EVA1A: variants seen among roughly 807,000 people sequenced by gnomAD.
The protein encoded by EVA1A is eva-1 homolog A, regulator of programmed cell death, also known as protein eva-1 homolog A.
EVA1A carries 7 observed loss-of-function variants against 9.8 expected under a neutral mutation model. The observed-to-expected ratio is 0.71, with a 90% CI of 0.41 to 1.34. The LOEUF (loss-of-function observed/expected upper bound fraction) is 1.34, where lower values mean the gene tolerates loss of function less well. Ranked by LOEUF, EVA1A falls within the 40% of genes most tolerant of loss-of-function variation. The pLI, the probability that EVA1A is intolerant of heterozygous loss-of-function variation, is 0.01. For synonymous variants in EVA1A, 90 were observed against 85.6 expected (o/e 1.05, Z -0.28); for missense variants, 206 against 205.9 (o/e 1.00, Z 0.00).
chr2:75,493,907 A>G (rs1201979084), intron 3 of EVA1A, among the ~76,000 whole-genome samples: 2 of 152,260 alleles, frequency 1.3e-5, no homozygotes, highest in Non-Finnish European at 2.9e-5. Flanking sequence ...ACTGTACGCA[A>G]GCAGCCGTGC....
rs1366172367 is a variant in EVA1A at position 75,492,617 on chromosome 2, A to ACATC, written c.*615_*618dup. ...TATTGACATTTTCTAGTTCACTGAC[A>ACATC]CATCTCCCATAATACAATAGTTCTA... is the stretch of plus-strand genomic sequence containing the variant. On this transcript the variant is annotated 3_prime_UTR_variant, in exon 4 of 4. Coordinates refer to ENST00000393913, the MANE Select transcript of EVA1A (RefSeq NM_001135032.2). The ACATC allele has an allele frequency of 6.6e-6, 1 of 152,648 alleles. No homozygotes were observed. Among genetic ancestry groups the ACATC allele is most frequent in the Non-Finnish European group, 1.5e-5 (1 of 68,052 alleles). 9.5% of individuals were successfully genotyped at this position (152,648 alleles called of 1,614,324 possible).
intron 1 of EVA1A, among the ~76,000 whole-genome samples, chr2:75,523,862 C>A (rs1214556844): frequency 6.6e-6 from 1 of 152,164 alleles, no homozygotes; most frequent in Non-Finnish European, 1.5e-5. Context: ...CTCTATCTTA[C>A]CTCTCTGATG....
rs368517958 is a variant in EVA1A at position 75,493,527 on chromosome 2, C to A, written c.168G>T (p.Arg56Ser). 6.2e-7 allele frequency: 1 copy of A among 1,614,198 alleles called. No homozygotes were observed. Among genetic ancestry groups the A allele is most frequent in the South Asian group, 1.1e-5 (1 of 91,080 alleles). Residue 56 changes from arginine (R) to serine (S), a missense_variant, in exon 4 of 4, where the codon AGG (arginine) becomes AGT (serine). By Grantham distance (110) the Arg-to-Ser change is moderately radical (BLOSUM62 -1). Coordinates refer to ENST00000393913, the MANE Select transcript of EVA1A (RefSeq NM_001135032.2). ...GCCTGCAGTCTGTGTGGCAAGAGAT[C>A]CTTATCACCAGAGCAGCCAGGGTCA... ...LVLTLAALVI[R>S]ISCHTDCRRR... is the part of the protein sequence containing the mutation.
At chr2:75,539,213 A>C (rs547927683) in intron 1 of EVA1A, among the ~76,000 whole-genome samples, 9 of 152,324 alleles carry the variant, frequency 5.9e-5, no homozygotes, top group African/African-American at 2.2e-4. Flanking sequence ...GAACAGCTGA[A>C]GGGATAGAAA....
In EVA1A at chr2:75,521,711, T is replaced by C. The variant is rs1005673982; in HGVS notation, c.-69+654A>G. ...CAGGGTACAGGGTACAAAGTTTCTG[T>C]TTTGCAAGATGAAAAGAGTTCTGGG... On this transcript the variant is annotated intron_variant, in intron 2 of 3. Transcript: ENST00000393913. 1.4e-4 allele frequency among the ~76,000 whole-genome samples: 22 copies of C among 152,290 alleles called. 1 individual carries two copies. Among genetic ancestry groups the C allele is most frequent in the Admixed American group, 8.5e-4 (13 of 15,298 alleles).
chr2:75,498,470 C>A (rs1483124307), intron 3 of EVA1A, among the ~76,000 whole-genome samples: 2 of 151,322 alleles, frequency 1.3e-5, no homozygotes, highest in African/African-American at 4.9e-5. Context: ...CGGGTACCCC[C>A]AAAACTAAAA....
At chr2:75,563,702 T>C (rs1676967369), upstream of EVA1A, among the ~76,000 whole-genome samples, 1 of 152,256 alleles carries the variant, frequency 6.6e-6, no homozygotes, top group Non-Finnish European at 1.5e-5. Context: ...TTGTTGTTCC[T>C]GTCTACCACC....
chr2:75,538,676 T>C (rs1050641522), intron 1 of EVA1A, among the ~76,000 whole-genome samples: 3 of 152,212 alleles, frequency 2.0e-5, no homozygotes, highest in African/African-American at 7.2e-5. Context: ...AAGAACAAAC[T>C]GTTGATACAC....
At chr2:75,516,380 T>A (rs527545874) in intron 3 of EVA1A, among the ~76,000 whole-genome samples, 87 of 152,350 alleles carry the variant, frequency 5.7e-4, no homozygotes, top group Admixed American at 5.2e-3. Context: ...CATTTCCTTG[T>A]GTTTTCTTTT....
chr2:75,564,265 C>A (rs1174644163), upstream of EVA1A, among the ~76,000 whole-genome samples: 1 of 152,194 alleles, frequency 6.6e-6, no homozygotes, highest in Non-Finnish European at 1.5e-5. Context: ...AGTCCATGTG[C>A]ACAGGCACAG....
intron 1 of EVA1A, among the ~76,000 whole-genome samples, chr2:75,530,808 G>T (rs1675619090): frequency 6.6e-6 from 1 of 152,110 alleles, no homozygotes; most frequent in Non-Finnish European, 1.5e-5. Context: ...ACTGAATGTG[G>T]AAAAGTTGAA....
rs370139135 is a variant in EVA1A, at chr2:75,512,642, G to A, written c.85+5414C>T. On this transcript the variant is annotated intron_variant, in intron 3 of 3. Coordinates refer to ENST00000393913, the MANE Select transcript of EVA1A (RefSeq NM_001135032.2). ...TAAAAGCTCTGGTAAGCCACAGAAGGACCTTCAGAGTGGGATGCCTCAAAC... is the reference window on the plus strand; with the variant it reads ...TAAAAGCTCTGGTAAGCCACAGAAGAACCTTCAGAGTGGGATGCCTCAAAC... 8.3e-4 allele frequency among the ~76,000 whole-genome samples: 126 copies of A among 152,272 alleles called. 1 individual carries two copies. Among genetic ancestry groups the A allele is most frequent in the African/African-American group, 2.9e-3 (121 of 41,554 alleles).
In EVA1A at chr2:75,518,199, T is replaced by A; in HGVS notation, c.-59A>T. 2 of 1,594,654 alleles carry A rather than the reference T, an allele frequency of 1.3e-6. No individual in the cohort carries two copies. The highest frequency in any genetic ancestry group is 1.7e-6 in the Non-Finnish European group (2 of 1,172,452). The stretch of plus-strand genomic sequence containing the variant: ...GGCTGAATCAACGTGGCCACTCTCC[T>A]TCTTCTCTTCTGTTTGGGAACATAA... On this transcript the variant is annotated 5_prime_UTR_variant, in exon 3 of 4. In the 5' UTR this introduces an upstream ATG that the reference lacks. Coordinates refer to ENST00000393913, the MANE Select transcript of EVA1A (RefSeq NM_001135032.2).
At chr2:75,511,711 T>C (rs1674818182) in intron 3 of EVA1A, among the ~76,000 whole-genome samples, 1 of 152,268 alleles carries the variant, frequency 6.6e-6, no homozygotes, top group African/African-American at 2.4e-5. Flanking sequence ...ACATGTCTTT[T>C]TATAATTATT....
At chr2:75,565,188 C>T (rs541318048), upstream of EVA1A, among the ~76,000 whole-genome samples, 8 of 152,304 alleles carry the variant, frequency 5.3e-5, no homozygotes, top group South Asian at 8.3e-4. Flanking sequence ...CCTTGCTGCA[C>T]GATACACTCA....
chr2:75,528,104 G>A (rs1237248145), intron 1 of EVA1A, among the ~76,000 whole-genome samples: 2 of 152,228 alleles, frequency 1.3e-5, no homozygotes, highest in Non-Finnish European at 2.9e-5. Context: ...TGATCCCCAG[G>A]GAAGCCCAGC....
At chr2:75,532,245 A>G (rs1308822644) in intron 1 of EVA1A, among the ~76,000 whole-genome samples, 1 of 151,880 alleles carries the variant, frequency 6.6e-6, no homozygotes, top group Non-Finnish European at 1.5e-5. Flanking sequence ...AATAAAAAAC[A>G]TTTTAAAATA....
upstream of EVA1A, among the ~76,000 whole-genome samples, chr2:75,562,125 A>G (rs1010961700): frequency 3.3e-5 from 5 of 152,216 alleles, no homozygotes; most frequent in African/African-American, 1.2e-4. Flanking sequence ...AGATCCCTAG[A>G]TGATTCAAAT....
chr2:75,551,054 C>G (rs1412909831), intron 1 of EVA1A, among the ~76,000 whole-genome samples: 5 of 152,056 alleles, frequency 3.3e-5, no homozygotes, highest in Non-Finnish European at 5.9e-5. Context: ...ACCCAGGAGG[C>G]AGAGGTTGCA....
Sources: gnomAD v4.1 joint callset for allele counts (sites outside exome capture counted in the v4.1 genomes callset) on GRCh38, gnomAD v4.1.1 for gene constraint, MANE v1.5 for transcripts, NCBI Gene and HGNC (gene_info 2026-07-23, HGNC 2026-07-21) for gene names.